The following BRMS1L variants were observed in gnomAD, a reference collection of about 807,000 sequenced individuals.
BRMS1L encodes breast cancer metastasis-suppressor 1-like protein.
In BRMS1L, 23 loss-of-function variants were observed where a neutral mutation model predicts 50.3. The observed-to-expected ratio is 0.46, with a 90% CI of 0.33 to 0.65. BRMS1L has a LOEUF of 0.65. BRMS1L is among the 30% of genes least tolerant of loss of function. BRMS1L has a pLI of 0.02. For synonymous variants in BRMS1L, 114 were observed against 126.9 expected (o/e 0.90, Z 0.69); for missense variants, 286 against 386.1 (o/e 0.74, Z 2.17).
intron 4 of BRMS1L, among the ~76,000 whole-genome samples, chr14:35,854,569 C>A (rs1401686219): frequency 6.6e-6 from 1 of 152,128 alleles, no homozygotes; most frequent in Admixed American, 6.6e-5. Flanking sequence ...CTGGAAATTT[C>A]TCAGCCATTA....
intron 4 of BRMS1L, among the ~76,000 whole-genome samples, chr14:35,836,178 G>T (rs1253580410): frequency 6.6e-6 from 1 of 152,132 alleles, no homozygotes; most frequent in Non-Finnish European, 1.5e-5. Context: ...GACTATATAA[G>T]TTCTTTATAT....
intron 4 of BRMS1L, among the ~76,000 whole-genome samples, chr14:35,839,836 C>T (rs562339438): frequency 1.3e-4 from 20 of 152,302 alleles, no homozygotes; most frequent in Non-Finnish European, 2.5e-4. Context: ...TTGACTTCCC[C>T]TCTTCCTATT....
intron 1 of BRMS1L, among the ~76,000 whole-genome samples, chr14:35,827,535 A>G (rs978741953): frequency 1.3e-5 from 2 of 152,210 alleles, no homozygotes; most frequent in African/African-American, 4.8e-5. Context: ...TATCACCCAG[A>G]TGCCCTCTTT....
Position 35,865,745 on chromosome 14 carries a change from C to T in BRMS1L, c.711C>T (p.His237=), listed in dbSNP as rs758715103. The T allele has an allele frequency of 5.0e-6, 8 of 1,596,186 alleles. No homozygotes were observed. The East Asian group carries it at 1.6e-4, about 31-fold the overall frequency. The change falls in exon 8 of 10, where the codon CAC becomes CAT. Residue 237 remains histidine (H), a synonymous_variant. Transcript: ENST00000216807. ...IRKAMATLGP[H]RVKTEPPVKL... ...AGGCAATGGCTACATTGGGGCCACA[C>T]AGAGTGAAAACGGAACGTAAGTCAT...
chr14:35,845,717 A>G (rs1166582767), intron 4 of BRMS1L, among the ~76,000 whole-genome samples: 1 of 152,198 alleles, frequency 6.6e-6, no homozygotes, highest in African/African-American at 2.4e-5. Flanking sequence ...TGTTTTGTAC[A>G]TCTTGTCTTT....
chr14:35,833,177 G>A, intron 3 of BRMS1L, 72 bp downstream of exon 3: 1 of 1,460,360 alleles, frequency 6.8e-7, no homozygotes. Context: ...TGTTTATCAA[G>A]TAAGTGTTTT....
rs566413161 is a variant in BRMS1L at position 35,834,868 on chromosome 14, A to C, written c.386A>C (p.Glu129Ala). The change falls in exon 4 of 10, where the codon GAA (glutamate) becomes GCA (alanine). Residue 129 changes from glutamate to alanine, a missense_variant. Around this residue, in one of 5 missense-constraint regions of BRMS1L, gnomAD observed 160 missense variants for 240.6 expected, o/e 0.66. Coordinates refer to ENST00000216807, the MANE Select transcript of BRMS1L (RefSeq NM_032352.4). The part of the protein sequence containing the change: ...VAGIYRELCL[E>A]SVKNKYECEI... ...GGAATCTATAGAGAGCTCTGCTTAGAATCTGTAAAGAACAAATATGAATGT... is the reference window on the plus strand; with the variant it reads ...GGAATCTATAGAGAGCTCTGCTTAGCATCTGTAAAGAACAAATATGAATGT... The C allele has an allele frequency of 5.7e-6, 9 of 1,589,128 alleles. No individual in the cohort carries two copies. The East Asian group carries it at 1.8e-4, about 32-fold the overall frequency.
intron 4 of BRMS1L, among the ~76,000 whole-genome samples, chr14:35,843,971 G>T (rs1446080612): frequency 6.6e-6 from 1 of 152,186 alleles, no homozygotes; most frequent in African/African-American, 2.4e-5. Flanking sequence ...CTTCCTGGTG[G>T]CTTTGTTTAC....
chr14:35,826,909 C>G (rs1282938839), intron 1 of BRMS1L: 3 of 507,814 alleles, frequency 5.9e-6, no homozygotes, highest in South Asian at 2.7e-5. Flanking sequence ...GTCCTGCCCC[C>G]GGTGGTGCTC....
intron 4 of BRMS1L, among the ~76,000 whole-genome samples, chr14:35,848,477 A>G (rs551360911): frequency 7.2e-5 from 11 of 152,272 alleles, no homozygotes; most frequent in Admixed American, 5.2e-4. Flanking sequence ...CTGGGACTAC[A>G]GGTGTGCACC....
chr14:35,845,652 C>G (rs114816231), intron 4 of BRMS1L, among the ~76,000 whole-genome samples: 3,944 of 152,256 alleles, frequency 0.026, 129 homozygotes, highest in African/African-American at 0.073. Flanking sequence ...TAAGAATATT[C>G]TGTATTTTTC....
intron 4 of BRMS1L, among the ~76,000 whole-genome samples, chr14:35,844,067 C>CT (rs2078100274): frequency 6.6e-6 from 1 of 152,204 alleles, no homozygotes; most frequent in Non-Finnish European, 1.5e-5. Flanking sequence ...AGGTCAACTT[C>CT]AGACTGCTGT....
chr14:35,845,880 C>T (rs1361658625), intron 4 of BRMS1L, among the ~76,000 whole-genome samples: 2 of 152,054 alleles, frequency 1.3e-5, no homozygotes, highest in Non-Finnish European at 1.5e-5. Flanking sequence ...CTCAACCTCC[C>T]GAGTAGCTGG....
intron 2 of BRMS1L, 101 bp downstream of exon 2, chr14:35,831,601 T>A: frequency 1.2e-6 from 1 of 843,024 alleles, no homozygotes; most frequent in Non-Finnish European, 1.9e-6. Flanking sequence ...GTTTTGTATT[T>A]TATGCGACAG....
At chr14:35,866,888 T>G (rs933448544) in intron 8 of BRMS1L, among the ~76,000 whole-genome samples, 3 of 152,114 alleles carry the variant, frequency 2.0e-5, no homozygotes, top group Non-Finnish European at 2.9e-5. Flanking sequence ...CATAGTTGAG[T>G]GTGTCTCCCT....
chr14:35,829,600 A>C (rs1392314910), intron 1 of BRMS1L, among the ~76,000 whole-genome samples: 1 of 152,234 alleles, frequency 6.6e-6, no homozygotes, highest in Non-Finnish European at 1.5e-5. Flanking sequence ...GCAAATTCTA[A>C]GGCTACGGAA....
chr14:35,851,675 G>C (rs1486633775), intron 4 of BRMS1L, among the ~76,000 whole-genome samples: 1 of 152,188 alleles, frequency 6.6e-6, no homozygotes, highest in Non-Finnish European at 1.5e-5. Context: ...GGATGTGGAG[G>C]AATGGAAACC....
intron 3 of BRMS1L, 84 bp downstream of exon 3, chr14:35,833,189 T>C: frequency 7.3e-7 from 1 of 1,363,120 alleles, no homozygotes; most frequent in Non-Finnish European, 1.0e-6. Context: ...AAGTGTTTTA[T>C]GTTGATGGGA....
chr14:35,834,644 G>T (rs1333315612), intron 3 of BRMS1L, among the ~76,000 whole-genome samples, 200 bp from the exon 4 acceptor site: 4 of 152,002 alleles, frequency 2.6e-5, no homozygotes, highest in African/African-American at 9.7e-5. Flanking sequence ...TTTCTTTCTA[G>T]CTCTTATAAT....
Sources: allele counts gnomAD v4.1 joint callset (sites outside exome capture counted in the v4.1 genomes callset), GRCh38; gene constraint gnomAD v4.1.1; regional missense constraint gnomAD v4.1.1; transcripts MANE v1.5; gene names NCBI Gene and HGNC (gene_info 2026-07-23, HGNC 2026-07-21).